Variants in MYO16 observed in about 807,000 individuals in gnomAD.
MYO16 encodes the protein unconventional myosin-XVI.
A neutral mutation model predicts 205.3 loss-of-function variants in MYO16; 94 were observed. The ratio of observed to expected loss-of-function variants is 0.46; its 90% CI spans 0.39 to 0.54. The LOEUF (loss-of-function observed/expected upper bound fraction) is 0.54. MYO16 is among the 20% of genes least tolerant of loss of function. The pLI, the probability that MYO16 is intolerant of heterozygous loss-of-function variation, is 0.00. For missense variants in MYO16, 2,315 were observed against 2,387.5 expected, an observed-to-expected ratio of 0.97 and a Z score of 0.63; for synonymous variants, 988 against 954.0, an observed-to-expected ratio of 1.04 and a Z score of -0.66.
the MYO16 span, among the ~76,000 whole-genome samples, chr13:108,539,242 C>T: frequency 6.6e-6 from 1 of 152,092 alleles, no homozygotes; most frequent in Non-Finnish European, 1.5e-5. Context: ...TGCTCAGACA[C>T]ATAATATTCA....
At chr13:108,842,912 T>A (rs1271466546) in intron 9 of MYO16, among the ~76,000 whole-genome samples, 1 of 152,160 alleles carries the variant, frequency 6.6e-6, no homozygotes, top group African/African-American at 2.4e-5. Flanking sequence ...AGAATATTAT[T>A]CAGCTACCAA....
intron 16 of MYO16, among the ~76,000 whole-genome samples, chr13:108,928,489 A>G (rs530381583): frequency 6.6e-6 from 1 of 152,330 alleles, no homozygotes; most frequent in African/African-American, 2.4e-5. Flanking sequence ...CTGAAGAGCA[A>G]CATGGAATTC....
At chr13:108,527,249 G>GT in the MYO16 span, among the ~76,000 whole-genome samples, 26 of 151,338 alleles carry the variant, frequency 1.7e-4, no homozygotes, top group South Asian at 4.2e-4. Context: ...TATAGGAAGG[G>GT]TTTTTTTTTC....
chr13:109,201,471 T>C (rs1221544509), intron 34 of MYO16: 1 of 135,742 alleles, frequency 7.4e-6, no homozygotes, highest in Non-Finnish European at 1.5e-5. Context: ...ATTTTTTCCA[T>C]CTGGAATCAT....
At chr13:108,611,327 C>G (rs1353092495) in intron 1 of MYO16, among the ~76,000 whole-genome samples, 3 of 151,932 alleles carry the variant, frequency 2.0e-5, no homozygotes, top group Non-Finnish European at 4.4e-5. Flanking sequence ...TCAAATTAAT[C>G]ATTTTAAAAA....
Position 108,644,704 on chromosome 13 carries a change from G to A in MYO16, c.28+14832G>A, listed in dbSNP as rs113287999. Among the ~76,000 whole-genome samples the A allele has an allele frequency of 1.3e-3, 191 of 151,750 alleles. 4 individuals carry two copies. Among genetic ancestry groups the A allele is most frequent in the African/African-American group, 4.1e-3 (171 of 41,366 alleles). On this transcript the variant is annotated intron_variant, in intron 1 of 34. Coordinates refer to ENST00000457511, the MANE Select transcript of MYO16 (RefSeq NM_001198950.3). Reference sequence around the variant, plus strand: ...TCCCTTATCTTCATCATTGATTCAAGCATAAATGACATTTCAAAAGTATAT... The same window carrying A: ...TCCCTTATCTTCATCATTGATTCAAACATAAATGACATTTCAAAAGTATAT...
chr13:108,858,988 C>A (rs563855856), intron 11 of MYO16, among the ~76,000 whole-genome samples: 2 of 152,272 alleles, frequency 1.3e-5, no homozygotes, highest in South Asian at 4.1e-4. Context: ...TTCCTCCCTC[C>A]CTTCAGGTCT....
intron 16 of MYO16, among the ~76,000 whole-genome samples, chr13:108,924,622 A>G (rs772882310): frequency 1.8e-4 from 27 of 152,184 alleles, no homozygotes; most frequent in Non-Finnish European, 4.0e-4. Flanking sequence ...TTACTGATTT[A>G]TAAGTGCTGT....
At chr13:108,524,738 G>C in the MYO16 span, among the ~76,000 whole-genome samples, 1 of 152,018 alleles carries the variant, frequency 6.6e-6, no homozygotes, top group African/African-American at 2.4e-5. Flanking sequence ...ATAACCTCTG[G>C]AGCATGGATT....
At chr13:108,900,359 G>A (rs755315036) in intron 15 of MYO16, among the ~76,000 whole-genome samples, 11 of 152,120 alleles carry the variant, frequency 7.2e-5, no homozygotes, top group African/African-American at 1.9e-4. Context: ...TGTCCAGGCA[G>A]CATTGAGACC....
At position 109,127,430 on chromosome 13, in the gene MYO16, C is replaced by T. The variant is rs767349184; in HGVS notation, c.3931C>T (p.Leu1311Phe). ...SVFSMDDSSS[L>F]PSPRKQPPPK... ...GTTCAGCATGGATGACAGCAGCAGC[C>T]TCCCGTCTCCACGGAAACAGCCCCC... is the stretch of plus-strand genomic sequence containing the variant. The change falls in exon 31 of 35, where the codon CTC becomes TTC. Residue 1311 changes from leucine to phenylalanine, a missense_variant. Coordinates refer to ENST00000457511, the MANE Select transcript of MYO16 (RefSeq NM_001198950.3). The surrounding 1 kb of genome is among the most constrained non-coding windows in gnomAD (Gnocchi z 4.2). 3.7e-6 allele frequency: 6 copies of T among 1,613,980 alleles called. No homozygotes were observed. In the East Asian group the frequency reaches 8.9e-5, roughly 24 times the overall value.
At chr13:108,716,855 G>A (rs1305446472) in intron 3 of MYO16, among the ~76,000 whole-genome samples, 2 of 152,154 alleles carry the variant, frequency 1.3e-5, no homozygotes, top group African/African-American at 2.4e-5. Flanking sequence ...TGGCCATATA[G>A]CATCTTTAGT....
At chr13:108,628,740 A>G (rs1319299791), upstream of MYO16, among the ~76,000 whole-genome samples, 1 of 152,196 alleles carries the variant, frequency 6.6e-6, no homozygotes, top group African/African-American at 2.4e-5. Context: ...TTCAGTAAGG[A>G]ATACAAAATT....
intron 4 of MYO16, among the ~76,000 whole-genome samples, chr13:108,766,682 G>A (rs1399176250): frequency 6.6e-6 from 1 of 152,162 alleles, no homozygotes; most frequent in Non-Finnish European, 1.5e-5. Context: ...GACTGCATTT[G>A]GTTGCCTTTT....
At position 109,044,105 on chromosome 13, in the gene MYO16, C is replaced by A. The variant is rs1447889754; in HGVS notation, c.2797-2811C>A. On this transcript the variant is annotated intron_variant, in intron 23 of 34. Coordinates refer to ENST00000457511, the MANE Select transcript of MYO16 (RefSeq NM_001198950.3). ...AGTCAGATCCAATGATTGACCATGT[C>A]ATTCACTACAATTAGGAATGACTGA... Among the ~76,000 whole-genome samples, 4 of 151,814 alleles carry A rather than the reference C, an allele frequency of 2.6e-5. No homozygotes were observed. The East Asian group carries it at 7.8e-4, about 29-fold the overall frequency.
chr13:108,906,186 C>T (rs1384002160), intron 15 of MYO16, among the ~76,000 whole-genome samples: 3 of 152,160 alleles, frequency 2.0e-5, no homozygotes, highest in African/African-American at 7.2e-5. Flanking sequence ...TAGGTTCTCC[C>T]ATTCCCAGAA....
Position 108,784,944 on chromosome 13 carries a change from T to C in MYO16, c.508-691T>C, listed in dbSNP as rs150975508. Among the ~76,000 whole-genome samples the C allele has an allele frequency of 1.9e-3, 293 of 152,262 alleles. 2 individuals carry two copies. Among genetic ancestry groups the C allele is most frequent in the African/African-American group, 6.8e-3 (282 of 41,544 alleles). Reference sequence around the variant, plus strand: ...GAGTGCAAGCAAATCTACCATTGTATTGAAGCTGAGAGGGGCAAGGGGTGA... The same window carrying C: ...GAGTGCAAGCAAATCTACCATTGTACTGAAGCTGAGAGGGGCAAGGGGTGA... On this transcript the variant is annotated intron_variant, in intron 4 of 34. Transcript: ENST00000457511.
intron 1 of MYO16, among the ~76,000 whole-genome samples, chr13:108,655,224 G>A (rs1442604702): frequency 6.6e-6 from 1 of 152,172 alleles, no homozygotes; most frequent in African/African-American, 2.4e-5. Flanking sequence ...CAGGCCCAGG[G>A]TCCCTATGTT....
Position 109,023,963 on chromosome 13 carries a change from T to G in MYO16, c.2796+4052T>G, listed in dbSNP as rs1886264496. The stretch of plus-strand genomic sequence containing the variant: ...TGAATATATGTATATAAATATATAC[T>G]ATATATTTCTATATGTATATATTTC... On this transcript the variant is annotated intron_variant, in intron 23 of 34. Transcript: ENST00000457511. Among the ~76,000 whole-genome samples the G allele has an allele frequency of 2.2e-5, 3 of 138,488 alleles. No homozygotes were observed. In the Admixed American group the frequency reaches 2.3e-4, roughly 11 times the overall value. The allele number at this position is 138,488 out of a possible 152,430, so 90.9% of individuals were successfully genotyped here. A position where few individuals can be genotyped will look rare whatever the true frequency, so the allele number is the denominator to read the frequency against.
Sources: gnomAD v4.1 joint callset for allele counts (sites outside exome capture counted in the v4.1 genomes callset) on GRCh38, gnomAD v4.1.1 for gene constraint, Gnocchi (gnomAD v3.1) non-coding constraint, MANE v1.5 for transcripts, NCBI Gene and HGNC (gene_info 2026-07-23, HGNC 2026-07-21) for gene names.